Variants in PDE4D observed in about 807,000 individuals in gnomAD.
PDE4D encodes phosphodiesterase 4D.
PDE4D carries 24 observed loss-of-function variants against 87.4 expected under a neutral mutation model. The ratio of observed to expected loss-of-function variants is 0.27; its 90% CI spans 0.20 to 0.39. The LOEUF (loss-of-function observed/expected upper bound fraction) is 0.39. Among genes scored for constraint, PDE4D ranks in the 10% least tolerant of loss-of-function variants. The probability of loss-of-function intolerance (pLI) is 1.00; values close to 1 mark genes in which losing one functional copy is unlikely to be tolerated. For synonymous variants in PDE4D, 384 were observed against 383.2 expected (o/e 1.00, Z -0.02); for missense variants, 714 against 1,041.0 (o/e 0.69, Z 4.32).
At chr5:59,090,460 C>T (rs1455631593) in intron 5 of PDE4D, among the ~76,000 whole-genome samples, 1 of 152,138 alleles carries the variant, frequency 6.6e-6, no homozygotes, top group Non-Finnish European at 1.5e-5. Context: ...CTTGTCTCCT[C>T]TCTATTTCGA....
At chr5:59,959,878 G>T (rs1207633284) in intron 3 of PDE4D, among the ~76,000 whole-genome samples, 7 of 152,084 alleles carry the variant, frequency 4.6e-5, no homozygotes, top group Admixed American at 4.6e-4. Flanking sequence ...CTTCTGAACA[G>T]CAAAAGAAAC....
At chr5:60,292,063 CTG>C (rs904132782) in intron 1 of PDE4D, among the ~76,000 whole-genome samples, 5 of 152,276 alleles carry the variant, frequency 3.3e-5, no homozygotes, top group African/African-American at 1.2e-4. Flanking sequence ...ACGTCAGACT[CTG>C]TGTGTCTGCA....
Position 59,652,105 on chromosome 5 carries a change from A to G in PDE4D, c.455+241063T>C, listed in dbSNP as rs559350373. Among the ~76,000 whole-genome samples, 54 of 152,234 alleles carry G rather than the reference A, an allele frequency of 3.5e-4. No individual in the cohort carries two copies. In the Middle Eastern group the frequency reaches 0.01, roughly 29 times the overall value. ...ACTGCATTGCAGACCAACTTCTTCT[A>G]TCTGGTCCCATAATTCTGCCTTCTT... On this transcript the variant is annotated intron_variant, in intron 1 of 14. Coordinates refer to ENST00000340635, the MANE Select transcript of PDE4D (RefSeq NM_001104631.2).
At chr5:60,040,384 T>TA (rs1768333414) in intron 2 of PDE4D, among the ~76,000 whole-genome samples, 1 of 152,196 alleles carries the variant, frequency 6.6e-6, no homozygotes, top group Non-Finnish European at 1.5e-5. Flanking sequence ...CCCCTTTGAA[T>TA]AAAAGGTAAA....
At chr5:60,035,120 G>A (rs1767646137) in intron 2 of PDE4D, among the ~76,000 whole-genome samples, 1 of 152,168 alleles carries the variant, frequency 6.6e-6, no homozygotes, top group African/African-American at 2.4e-5. Flanking sequence ...GCCGGGCATG[G>A]TGACGTATGC....
At chr5:60,388,492 A>G (rs1019316309) in intron 1 of PDE4D, among the ~76,000 whole-genome samples, 2 of 151,930 alleles carry the variant, frequency 1.3e-5, no homozygotes, top group Non-Finnish European at 2.9e-5. Flanking sequence ...CCCATCCTCT[A>G]AGTTCCCTCC....
At chr5:59,284,327 A>G (rs1766445489) in intron 1 of PDE4D, among the ~76,000 whole-genome samples, 1 of 152,156 alleles carries the variant, frequency 6.6e-6, no homozygotes, top group Admixed American at 6.6e-5. Context: ...TTGTTTTACC[A>G]TTCTTGGTAG....
intron 1 of PDE4D, chr5:59,276,118 A>G: frequency 1.1e-6 from 1 of 908,568 alleles, no homozygotes; most frequent in Non-Finnish European, 1.3e-6. Context: ...GGGCAGTGAG[A>G]AAGGAAAAAA....
chr5:60,031,813 A>G (rs2152860270), intron 2 of PDE4D, among the ~76,000 whole-genome samples: 1 of 152,280 alleles, frequency 6.6e-6, no homozygotes. Flanking sequence ...AAAGAGAAAC[A>G]ATGACAGGTT....
At chr5:59,139,497 GATTTT>G (rs1379157146) in intron 5 of PDE4D, among the ~76,000 whole-genome samples, 1 of 152,002 alleles carries the variant, frequency 6.6e-6, no homozygotes, top group African/African-American at 2.4e-5. Context: ...ATCATAATTG[GATTTT>G]ATTTTGAGAC....
At chr5:60,468,712 A>T (rs992967093) in intron 1 of PDE4D, among the ~76,000 whole-genome samples, 1 of 151,404 alleles carries the variant, frequency 6.6e-6, no homozygotes, top group Non-Finnish European at 1.5e-5. Context: ...TTTTGCAAAG[A>T]TGGGGATCTT....
chr5:60,182,115 T>A (rs1784420753), intron 2 of PDE4D, among the ~76,000 whole-genome samples: 1 of 152,106 alleles, frequency 6.6e-6, no homozygotes, highest in African/African-American at 2.4e-5. Context: ...TGTCATTGGA[T>A]TAGATGTTAA....
At chr5:59,897,294 C>G (rs144115326), upstream of PDE4D, among the ~76,000 whole-genome samples, 15 of 152,078 alleles carry the variant, frequency 9.9e-5, no homozygotes, top group East Asian at 2.5e-3. Context: ...CAAGGGAGAA[C>G]ATTCTTGTCA....
Position 59,052,561 on chromosome 5 carries a change from C to G in PDE4D, c.809-13590G>C, listed in dbSNP as rs77978919. Among the ~76,000 whole-genome samples, 1,059 of 152,254 alleles carry G rather than the reference C, an allele frequency of 7.0e-3. 4 individuals are homozygous for G. The highest frequency in any genetic ancestry group is 0.012 in the Non-Finnish European group (790 of 67,998). The stretch of plus-strand genomic sequence containing the variant: ...GTGGTAGTCCAGATGCAGTGGAAAG[C>G]AAAGAGTTGTGGAGGTATCCACTTT... On this transcript the variant is annotated intron_variant, in intron 5 of 14. Transcript: ENST00000340635.
At chr5:59,360,476 C>T (rs1393054768) in intron 1 of PDE4D, among the ~76,000 whole-genome samples, 3 of 152,036 alleles carry the variant, frequency 2.0e-5, no homozygotes, top group African/African-American at 4.8e-5. Flanking sequence ...ATGAGGGTGT[C>T]GTTGTAATTC....
intron 1 of PDE4D, among the ~76,000 whole-genome samples, chr5:59,329,119 G>A (rs1299292312): frequency 6.6e-6 from 1 of 152,204 alleles, no homozygotes; most frequent in African/African-American, 2.4e-5. Flanking sequence ...AGGCTGACTA[G>A]TTGGGGACTT....
chr5:60,121,956 T>C (rs941029090), intron 2 of PDE4D, among the ~76,000 whole-genome samples: 1 of 152,054 alleles, frequency 6.6e-6, no homozygotes, highest in East Asian at 1.9e-4. Context: ...CCATTCCAAA[T>C]GGGAGAAATT....
chr5:59,181,572 T>TATATATATAGATATA (rs1561646442), intron 4 of PDE4D, among the ~76,000 whole-genome samples: 1 of 109,922 alleles, frequency 9.1e-6, no homozygotes, highest in African/African-American at 4.3e-5. Context: ...ATATATATAT[T>TATATATATAGATATA]AGGTATATAA....
At chr5:59,705,142 A>AATTTAAT (rs1314817192) in intron 1 of PDE4D, among the ~76,000 whole-genome samples, 1 of 152,096 alleles carries the variant, frequency 6.6e-6, no homozygotes, top group African/African-American at 2.4e-5. Context: ...CTTTTTTTGG[A>AATTTAAT]ATTTAATATT....
Sources: allele counts gnomAD v4.1 joint callset (sites outside exome capture counted in the v4.1 genomes callset), GRCh38; gene constraint gnomAD v4.1.1; transcripts MANE v1.5; gene names NCBI Gene and HGNC (gene_info 2026-07-23, HGNC 2026-07-21).